BCKDHB: variants seen among roughly 807,000 people sequenced by gnomAD.
BCKDHB encodes the protein branched chain keto acid dehydrogenase E1 subunit beta, also known as 2-oxoisovalerate dehydrogenase subunit beta, mitochondrial.
Under a neutral mutation model 48.5 loss-of-function variants are expected in BCKDHB, and 41 were observed. That is an observed-to-expected ratio of 0.85 (90% CI 0.66 to 1.10). The LOEUF is 1.10. BCKDHB is among the 50% of genes least tolerant of loss of function. BCKDHB has a pLI of 0.00. For synonymous variants in BCKDHB, 201 were observed against 174.8 expected (o/e 1.15, Z -1.18); for missense variants, 496 against 494.2 (o/e 1.00, Z -0.03).
intron 9 of BCKDHB, among the ~76,000 whole-genome samples, chr6:80,325,758 G>A (rs1436567651): frequency 6.6e-6 from 1 of 152,116 alleles, no homozygotes; most frequent in African/African-American, 2.4e-5. Flanking sequence ...ATTAAAGTTT[G>A]GGATTAAAAA....
chr6:80,167,750 C>T lies in BCKDHB; in HGVS notation c.416C>T (p.Thr139Ile), dbSNP rs74599962. The change falls in exon 4 of 10, where the codon ACT becomes ATT. Residue 139 changes from threonine (T) to isoleucine (I), a missense_variant. Transcript: ENST00000320393. The stretch of plus-strand genomic sequence containing the variant: ...GGATTTGGAATCGGAATTGCGGTCA[C>T]TGGAGCTACTGCCATTGCGGAAATT... ...IVGFGIGIAV[T>I]GATAIAEIQF... 1.2e-6 allele frequency: 2 copies of T among 1,613,660 alleles called. No homozygotes were observed. Among genetic ancestry groups the T allele is most frequent in the Non-Finnish European group, 1.7e-6 (2 of 1,179,628 alleles).
chr6:80,119,517 C>T lies in BCKDHB; in HGVS notation c.197-8030C>T, dbSNP rs560038824. Among the ~76,000 whole-genome samples the T allele has an allele frequency of 3.9e-5, 6 of 152,170 alleles. No homozygotes were observed. The East Asian group carries it at 5.8e-4, about 15-fold the overall frequency. On this transcript the variant is annotated intron_variant, in intron 1 of 9. Coordinates refer to ENST00000320393, the MANE Select transcript of BCKDHB (RefSeq NM_183050.4). ...GTATTTTTGGTAGAGGATGGGGTTT[C>T]GCCATGTTAGCCAGGCTGGTCTCGA...
the BCKDHB span, among the ~76,000 whole-genome samples, chr6:80,436,787 C>A: frequency 6.6e-6 from 1 of 152,148 alleles, no homozygotes; most frequent in Non-Finnish European, 1.5e-5. Context: ...ATGTAGAGAT[C>A]CATGATTATA....
At chr6:80,431,092 A>C in the BCKDHB span, among the ~76,000 whole-genome samples, 1 of 152,168 alleles carries the variant, frequency 6.6e-6, no homozygotes, top group African/African-American at 2.4e-5. Flanking sequence ...GTAGTCATTC[A>C]GGAGCAGGTT....
At chr6:80,334,784 G>T (rs1323780873) in intron 9 of BCKDHB, among the ~76,000 whole-genome samples, 1 of 150,068 alleles carries the variant, frequency 6.7e-6, no homozygotes, top group Non-Finnish European at 1.5e-5. Flanking sequence ...TACACTAAAA[G>T]AAATTTAGCA....
the BCKDHB span, among the ~76,000 whole-genome samples, chr6:80,380,026 A>T: frequency 6.6e-6 from 1 of 152,124 alleles, no homozygotes; most frequent in Non-Finnish European, 1.5e-5. Context: ...CAATCTACAG[A>T]TTCAATGCAG....
chr6:80,425,717 C>T, the BCKDHB span, among the ~76,000 whole-genome samples: 1 of 152,102 alleles, frequency 6.6e-6, no homozygotes, highest in African/African-American at 2.4e-5. Flanking sequence ...ATCAGTTGTT[C>T]TCATGATAGT....
At chr6:80,332,658 G>C (rs1191636791) in intron 9 of BCKDHB, among the ~76,000 whole-genome samples, 1 of 143,862 alleles carries the variant, frequency 7.0e-6, no homozygotes, top group Non-Finnish European at 1.5e-5. Flanking sequence ...GAGGGAACAA[G>C]TTTAATTTAT....
chr6:80,361,598 C>T, the BCKDHB span, among the ~76,000 whole-genome samples: 15 of 152,286 alleles, frequency 9.8e-5, no homozygotes, highest in African/African-American at 2.4e-4. Context: ...TCCTGTCTGA[C>T]GCTGCTCTTA....
chr6:80,308,362 GA>G (rs1018346348), intron 9 of BCKDHB, among the ~76,000 whole-genome samples: 7 of 152,062 alleles, frequency 4.6e-5, no homozygotes, highest in African/African-American at 1.7e-4. Flanking sequence ...TGACCATTTA[GA>G]TTGTTTACTC....
chr6:80,417,296 A>T, the BCKDHB span, among the ~76,000 whole-genome samples: 3 of 151,910 alleles, frequency 2.0e-5, no homozygotes, highest in Non-Finnish European at 4.4e-5. Context: ...TTGGTTCTTT[A>T]TCTAGCTTGC....
chr6:80,460,376 C>T, the BCKDHB span, among the ~76,000 whole-genome samples: 2 of 152,108 alleles, frequency 1.3e-5, no homozygotes, highest in Non-Finnish European at 2.9e-5. Flanking sequence ...AATGCAGAGG[C>T]ACTTGCTTTA....
chr6:80,132,776 T>C (rs1198513455), intron 3 of BCKDHB, among the ~76,000 whole-genome samples: 1 of 152,178 alleles, frequency 6.6e-6, no homozygotes, highest in Admixed American at 6.5e-5. Context: ...CGCTGATACT[T>C]TCTAATGAGA....
chr6:80,115,888 G>A (rs937390621), intron 1 of BCKDHB, among the ~76,000 whole-genome samples: 12 of 144,188 alleles, frequency 8.3e-5, no homozygotes, highest in Admixed American at 2.2e-4. Flanking sequence ...CACCCCCCTC[G>A]GCCTCCCAAT....
the BCKDHB span, among the ~76,000 whole-genome samples, chr6:80,411,726 G>A: frequency 6.6e-6 from 1 of 152,242 alleles, no homozygotes. Context: ...TCAGACTGCT[G>A]CGCTAGCAGT....
intron 6 of BCKDHB, among the ~76,000 whole-genome samples, chr6:80,199,516 G>A (rs1035142706): frequency 2.6e-5 from 4 of 152,040 alleles, no homozygotes; most frequent in African/African-American, 9.7e-5. Context: ...GATGGCTCAC[G>A]CCTGTAATCC....
chr6:80,398,429 T>A, the BCKDHB span, among the ~76,000 whole-genome samples: 1 of 152,018 alleles, frequency 6.6e-6, no homozygotes, highest in African/African-American at 2.4e-5. Flanking sequence ...CAAATAACCA[T>A]CAGAGAATAC....
At chr6:80,138,721 C>A (rs1229237888) in intron 3 of BCKDHB, among the ~76,000 whole-genome samples, 3 of 152,138 alleles carry the variant, frequency 2.0e-5, no homozygotes, top group Non-Finnish European at 2.9e-5. Context: ...GGTTCCAAGT[C>A]TTTGCTATTG....
the BCKDHB span, among the ~76,000 whole-genome samples, chr6:80,414,274 T>C: frequency 6.6e-6 from 1 of 152,178 alleles, no homozygotes; most frequent in Non-Finnish European, 1.5e-5. Context: ...ATAGCTTCCT[T>C]TGCTGTGCAG....
Sources: gnomAD v4.1 joint callset for allele counts (sites outside exome capture counted in the v4.1 genomes callset) on GRCh38, gnomAD v4.1.1 for gene constraint, MANE v1.5 for transcripts, NCBI Gene and HGNC (gene_info 2026-07-23, HGNC 2026-07-21) for gene names.